CNTN5: variants seen among roughly 807,000 people sequenced by gnomAD.
The protein encoded by CNTN5 is contactin 5.
In CNTN5, 77 loss-of-function variants were observed where a neutral mutation model predicts 129.1. The ratio of observed to expected loss-of-function variants is 0.60; its 90% CI spans 0.50 to 0.72. The LOEUF (loss-of-function observed/expected upper bound fraction) is 0.72. CNTN5 is among the 30% of genes least tolerant of loss of function. CNTN5 has a pLI of 0.00. For synonymous variants in CNTN5, 509 were observed against 465.6 expected (o/e 1.09, Z -1.20); for missense variants, 1,478 against 1,328.8 (o/e 1.11, Z -1.75).
In CNTN5 at chr11:99,443,552, G is replaced by T. The variant is rs562248857; in HGVS notation, c.-70-112593G>T. Reference sequence around the variant, plus strand: ...TGCAAACTGATGTCACTTCTCATTTGTAAAAGGCTTCAAAATTATGAATTC... The same window carrying T: ...TGCAAACTGATGTCACTTCTCATTTTTAAAAGGCTTCAAAATTATGAATTC... On this transcript the variant is annotated intron_variant, in intron 2 of 24. Transcript: ENST00000524871. 7.9e-5 allele frequency among the ~76,000 whole-genome samples: 12 copies of T among 152,288 alleles called. No homozygotes were observed. In the South Asian group the frequency reaches 2.5e-3, roughly 32 times the overall value.
intron 2 of CNTN5, among the ~76,000 whole-genome samples, chr11:99,459,063 G>A (rs1256358685): frequency 1.3e-5 from 2 of 152,018 alleles, no homozygotes; most frequent in Non-Finnish European, 2.9e-5. Flanking sequence ...TTTTGACAGA[G>A]TTAGTTATTT....
At chr11:99,263,812 G>A (rs1862758311) in intron 1 of CNTN5, among the ~76,000 whole-genome samples, 1 of 151,650 alleles carries the variant, frequency 6.6e-6, no homozygotes, top group Non-Finnish European at 1.5e-5. Context: ...TGTAGAGACA[G>A]GTTCTTACCA....
At chr11:100,001,880 A>G (rs1351349893) in intron 8 of CNTN5, among the ~76,000 whole-genome samples, 154 bp from the exon 9 acceptor site, 1 of 152,220 alleles carries the variant, frequency 6.6e-6, no homozygotes, top group African/African-American at 2.4e-5. Flanking sequence ...ATAGAGCCTA[A>G]GTGTACTACT....
chr11:99,386,691 C>T (rs1305876508), intron 2 of CNTN5, among the ~76,000 whole-genome samples: 1 of 152,140 alleles, frequency 6.6e-6, no homozygotes, highest in Non-Finnish European at 1.5e-5. Context: ...TGGGTCTCAA[C>T]CTCATTTTAC....
At chr11:99,154,971 G>C (rs951222529) in intron 1 of CNTN5, among the ~76,000 whole-genome samples, 10 of 152,190 alleles carry the variant, frequency 6.6e-5, no homozygotes, top group African/African-American at 2.2e-4. Context: ...CCAGACAGTA[G>C]CAGAATCAGG....
chr11:100,280,661 G>T (rs1451803467), intron 18 of CNTN5, among the ~76,000 whole-genome samples: 2 of 151,934 alleles, frequency 1.3e-5, no homozygotes, highest in African/African-American at 4.8e-5. Flanking sequence ...GATTAGAGAG[G>T]TTAGTCCATT....
intron 2 of CNTN5, among the ~76,000 whole-genome samples, chr11:99,523,709 T>TAGAAC (rs761312947): frequency 0.1 from 2,371 of 23,334 alleles, 56 homozygotes; most frequent in African/African-American, 0.22. Context: ...TAGAACAGAA[T>TAGAAC]AGAATAGAAT....
chr11:99,718,828 T>C (rs1053747190), intron 3 of CNTN5, among the ~76,000 whole-genome samples: 4 of 152,158 alleles, frequency 2.6e-5, no homozygotes, highest in African/African-American at 9.7e-5. Context: ...TCATAGACTT[T>C]AAGTAACTTT....
intron 1 of CNTN5, among the ~76,000 whole-genome samples, chr11:99,082,377 G>A (rs1865839255): frequency 6.6e-6 from 1 of 152,062 alleles, no homozygotes; most frequent in African/African-American, 2.4e-5. Context: ...TAGAGACGGG[G>A]TTTCACCATG....
intron 1 of CNTN5, among the ~76,000 whole-genome samples, chr11:99,050,700 A>G (rs946901109): frequency 1.3e-5 from 2 of 151,760 alleles, no homozygotes; most frequent in Non-Finnish European, 1.5e-5. Context: ...TGCATTACAT[A>G]TATTTAGCAA....
At chr11:99,826,690 T>C (rs1034399392) in intron 4 of CNTN5, among the ~76,000 whole-genome samples, 5 of 152,168 alleles carry the variant, frequency 3.3e-5, no homozygotes, top group African/African-American at 1.2e-4. Flanking sequence ...AAACTGCACG[T>C]TATATATTAT....
intron 1 of CNTN5, among the ~76,000 whole-genome samples, chr11:99,136,972 A>G (rs1859263555): frequency 1.3e-5 from 2 of 152,186 alleles, no homozygotes; most frequent in African/African-American, 4.8e-5. Context: ...CTGAAAAAAT[A>G]TTCAAATTTT....
At chr11:99,043,303 G>A (rs1864077857) in intron 1 of CNTN5, among the ~76,000 whole-genome samples, 2 of 97,256 alleles carry the variant, frequency 2.1e-5, no homozygotes, top group South Asian at 6.2e-4. Context: ...CCCCACCACA[G>A]TCCCCAGAGT....
intron 2 of CNTN5, among the ~76,000 whole-genome samples, chr11:99,458,750 A>G (rs1044430436): frequency 2.0e-5 from 3 of 152,158 alleles, no homozygotes; most frequent in Non-Finnish European, 2.9e-5. Context: ...AGTCATTTCA[A>G]GAGAATGTTA....
chr11:99,143,056 T>A (rs1859600948), intron 1 of CNTN5, among the ~76,000 whole-genome samples: 1 of 152,060 alleles, frequency 6.6e-6, no homozygotes, highest in Non-Finnish European at 1.5e-5. Context: ...AATGTGTCAG[T>A]CTACTTTATC....
intron 9 of CNTN5, among the ~76,000 whole-genome samples, chr11:100,060,523 A>G (rs1943420510): frequency 6.6e-6 from 1 of 152,132 alleles, no homozygotes; most frequent in Non-Finnish European, 1.5e-5. Context: ...GAGGCAGGAC[A>G]AGTTTTAATT....
intron 3 of CNTN5, among the ~76,000 whole-genome samples, chr11:99,724,356 A>C (rs1011028939): frequency 3.3e-5 from 5 of 152,142 alleles, no homozygotes; most frequent in Non-Finnish European, 5.9e-5. Flanking sequence ...TCCATGTCTC[A>C]AGTTCTTCCA....
rs1292573486 is a variant in CNTN5, at chr11:99,285,922, G to A, written c.-209-39424G>A. Among the ~76,000 whole-genome samples the A allele has an allele frequency of 4.0e-5, 6 of 151,042 alleles. No individual in the cohort carries two copies. The East Asian group carries it at 5.9e-4, about 15-fold the overall frequency. On this transcript the variant is annotated intron_variant, in intron 1 of 24. Transcript: ENST00000524871. ...GTGTGGTGGTGGGCACCTGTAATCC[G>A]AGCTATTTGAGAGGCTGAGACAGGA...
chr11:99,092,807 A>G (rs1866308966), intron 1 of CNTN5, among the ~76,000 whole-genome samples: 1 of 151,966 alleles, frequency 6.6e-6, no homozygotes. Flanking sequence ...TATATACAAA[A>G]ATCTAATGAT....
Sources: gnomAD v4.1 joint callset for allele counts (sites outside exome capture counted in the v4.1 genomes callset) on GRCh38, gnomAD v4.1.1 for gene constraint, MANE v1.5 for transcripts, NCBI Gene and HGNC (gene_info 2026-07-23, HGNC 2026-07-21) for gene names.